The following VTI1A variants were observed in gnomAD, a reference collection of about 807,000 sequenced individuals.
VTI1A encodes the protein vesicle transport through interaction with t-SNAREs 1A.
In VTI1A, 22 loss-of-function variants were observed where a neutral mutation model predicts 34.9. The observed-to-expected ratio is 0.63, with a 90% CI of 0.45 to 0.90. The LOEUF is 0.90. Among genes scored for constraint, VTI1A ranks in the 40% least tolerant of loss-of-function variants. The pLI is 0.00. For missense variants in VTI1A, 268 were observed against 275.6 expected, an observed-to-expected ratio of 0.97 and a Z score of 0.20; for synonymous variants, 87 against 97.3, an observed-to-expected ratio of 0.89 and a Z score of 0.62.
At chr10:112,833,912 C>T in the VTI1A span, among the ~76,000 whole-genome samples, 4 of 152,206 alleles carry the variant, frequency 2.6e-5, no homozygotes, top group African/African-American at 7.2e-5. Context: ...CTCCAAAGGG[C>T]TTCTGAGCCA....
intron 5 of VTI1A, among the ~76,000 whole-genome samples, chr10:112,614,485 T>G (rs1017876599): frequency 1.3e-5 from 2 of 152,220 alleles, no homozygotes; most frequent in African/African-American, 4.8e-5. Context: ...TCATGCCTGG[T>G]GGTTGGCTCA....
chr10:112,532,064 A>G (rs1053812816), intron 4 of VTI1A, among the ~76,000 whole-genome samples: 10 of 152,246 alleles, frequency 6.6e-5, no homozygotes, highest in Non-Finnish European at 1.3e-4. Flanking sequence ...GAGACATTAC[A>G]TGATAACTTA....
chr10:112,830,849 A>ATATATTTTTTTTT, the VTI1A span, among the ~76,000 whole-genome samples: 48 of 33,492 alleles, frequency 1.4e-3, 1 homozygote, highest in African/African-American at 6.3e-3. Context: ...ATATATATAT[A>ATATATTTTTTTTT]TTTTTTTTTT....
chr10:112,727,437 T>A (rs11591552), intron 7 of VTI1A, among the ~76,000 whole-genome samples: 46,395 of 150,766 alleles, frequency 0.31, 8,483 homozygotes, highest in Admixed American at 0.4. Context: ...AAAAAAAAAA[T>A]TTTTTTTATA....
chr10:112,813,700 C>T (rs1377609304), intron 7 of VTI1A, among the ~76,000 whole-genome samples: 6 of 152,186 alleles, frequency 3.9e-5, no homozygotes, highest in Admixed American at 3.9e-4. Flanking sequence ...AGAGAATCTT[C>T]CTGCCTCTTG....
chr10:112,499,632 T>TA (rs1188730674), intron 3 of VTI1A, among the ~76,000 whole-genome samples: 1 of 152,206 alleles, frequency 6.6e-6, no homozygotes, highest in African/African-American at 2.4e-5. Context: ...TCATTAAACT[T>TA]ATTATCTTTT....
chr10:112,480,690 T>C (rs1564794112), intron 3 of VTI1A, among the ~76,000 whole-genome samples: 1 of 152,088 alleles, frequency 6.6e-6, no homozygotes, highest in African/African-American at 2.4e-5. Flanking sequence ...CAAAGAATTT[T>C]GGGGAGGGAT....
At chr10:112,530,804 AG>A (rs1219924528) in intron 4 of VTI1A, among the ~76,000 whole-genome samples, 1 of 152,158 alleles carries the variant, frequency 6.6e-6, no homozygotes, top group Non-Finnish European at 1.5e-5. Context: ...GATCTAAAGA[AG>A]GTCGGTATCA....
At position 112,630,574 on chromosome 10, in the gene VTI1A, A is replaced by T. The variant is rs555767122; in HGVS notation, c.428-37644A>T. On this transcript the variant is annotated intron_variant, in intron 5 of 7. Transcript: ENST00000393077. ...TCAGAAAATTTGAATAATTGGCTAT[A>T]ACTGTATAGTATTAAGTGGTGGAGT... Among the ~76,000 whole-genome samples the T allele has an allele frequency of 5.1e-3, 770 of 152,304 alleles. 6 individuals carry two copies. Among genetic ancestry groups the T allele is most frequent in the African/African-American group, 0.018 (742 of 41,566 alleles).
intron 3 of VTI1A, among the ~76,000 whole-genome samples, chr10:112,502,836 ACTT>A (rs1162855759): frequency 6.6e-6 from 1 of 152,096 alleles, no homozygotes; most frequent in Non-Finnish European, 1.5e-5. Context: ...TTAGGATTAA[ACTT>A]CTTTCTTTTA....
intron 5 of VTI1A, among the ~76,000 whole-genome samples, chr10:112,614,303 T>A (rs1008411447): frequency 1.3e-5 from 2 of 152,188 alleles, no homozygotes; most frequent in South Asian, 4.1e-4. Flanking sequence ...AACGTGTTGT[T>A]TACTCATGCC....
chr10:112,818,912 A>G (rs1853598491), downstream of VTI1A, among the ~76,000 whole-genome samples: 1 of 152,134 alleles, frequency 6.6e-6, no homozygotes, highest in South Asian at 2.1e-4. Context: ...TTTGCCACTG[A>G]TTTGGTTTCA....
chr10:112,472,166 G>A lies in VTI1A; in HGVS notation c.264+7509G>A, dbSNP rs146484952. Among the ~76,000 whole-genome samples the A allele has an allele frequency of 1.4e-4, 22 of 152,288 alleles. No homozygotes were observed. The East Asian group carries it at 4.2e-3, about 29-fold the overall frequency. On this transcript the variant is annotated intron_variant, in intron 3 of 7. Coordinates refer to ENST00000393077, the MANE Select transcript of VTI1A (RefSeq NM_145206.4). ...AGGATTTGGGGTGAATGATTAGATC[G>A]TAATGAATGTTAAAAAGAGAGCTTT...
intron 7 of VTI1A, among the ~76,000 whole-genome samples, chr10:112,780,437 C>T (rs1326910616): frequency 6.6e-6 from 1 of 152,016 alleles, no homozygotes; most frequent in Non-Finnish European, 1.5e-5. Flanking sequence ...AAATCAGGCA[C>T]ATTATTTCAG....
At chr10:112,451,585 G>A (rs570955512) in intron 1 of VTI1A, among the ~76,000 whole-genome samples, 1 of 152,352 alleles carries the variant, frequency 6.6e-6, no homozygotes, top group South Asian at 2.1e-4. Flanking sequence ...CCCAAGGGGG[G>A]CAGTCGGAGG....
rs74156819 is a variant in VTI1A, at chr10:112,817,088, C to T, written c.*1705C>T. 992 of 232,450 alleles carry T rather than the reference C, an allele frequency of 4.3e-3. 5 individuals carry two copies. Among genetic ancestry groups the T allele is most frequent in the African/African-American group, 0.02 (908 of 45,410 alleles). The allele number at this position is 232,450 out of a possible 1,614,324, so 14.4% of individuals were successfully genotyped here. On this transcript the variant is annotated 3_prime_UTR_variant, in exon 8 of 8. Transcript: ENST00000393077. ...CAGCAAGAATCTTGTATTCTGATAA[C>T]GGAATGCTGTACGTGCTGACCACAT... is the stretch of plus-strand genomic sequence containing the variant.
intron 5 of VTI1A, among the ~76,000 whole-genome samples, chr10:112,597,366 C>T (rs2134455714): frequency 6.6e-6 from 1 of 152,118 alleles, no homozygotes; most frequent in South Asian, 2.1e-4. Flanking sequence ...TACAGGCGTG[C>T]GTCACCACCC....
chr10:112,594,280 C>A (rs1166240947), intron 5 of VTI1A, among the ~76,000 whole-genome samples: 2 of 152,212 alleles, frequency 1.3e-5, no homozygotes, highest in Non-Finnish European at 2.9e-5. Flanking sequence ...GAGCTCATAA[C>A]CCCGGAAGTT....
intron 7 of VTI1A, among the ~76,000 whole-genome samples, chr10:112,674,175 C>A (rs994390487): frequency 5.3e-5 from 8 of 152,126 alleles, no homozygotes; most frequent in Non-Finnish European, 1.0e-4. Context: ...ATTCCTCTTT[C>A]TCAGCACATT....
Sources: gnomAD v4.1 joint callset for allele counts (sites outside exome capture counted in the v4.1 genomes callset) on GRCh38, gnomAD v4.1.1 for gene constraint, MANE v1.5 for transcripts, NCBI Gene and HGNC (gene_info 2026-07-23, HGNC 2026-07-21) for gene names.